The following GTF2E1 variants were observed in gnomAD, a reference collection of about 807,000 sequenced individuals.
GTF2E1 encodes the protein general transcription factor IIE subunit 1, also known as TFIIE alpha subunit.
Under a neutral mutation model 34.9 loss-of-function variants are expected in GTF2E1, and 14 were observed. That is an observed-to-expected ratio of 0.40 (90% CI 0.27 to 0.63). GTF2E1 has a LOEUF of 0.63. Ranked by LOEUF, GTF2E1 falls within the 20% of genes least tolerant of loss-of-function variation. The probability of loss-of-function intolerance (pLI) is 0.39; values close to 1 mark genes in which losing one functional copy is unlikely to be tolerated. For missense variants in GTF2E1, 469 were observed against 557.7 expected, an observed-to-expected ratio of 0.84 and a Z score of 1.60; for synonymous variants, 188 against 192.9, an observed-to-expected ratio of 0.97 and a Z score of 0.21.
chr3:120,770,995 A>G, intron 3 of GTF2E1, 66 bp downstream of exon 3: 1 of 1,278,094 alleles, frequency 7.8e-7, no homozygotes, highest in East Asian at 2.3e-5. Context: ...AACTACCTGT[A>G]CCTTGGAGAA....
intron 2 of GTF2E1, among the ~76,000 whole-genome samples, chr3:120,763,621 T>C (rs1709283207): frequency 6.6e-6 from 1 of 152,236 alleles, no homozygotes; most frequent in Non-Finnish European, 1.5e-5. Context: ...GAAATGTCTT[T>C]TGTTTTTTTC....
intron 4 of GTF2E1, among the ~76,000 whole-genome samples, chr3:120,779,697 A>G (rs887416926): frequency 8.5e-5 from 13 of 152,218 alleles, no homozygotes; most frequent in Non-Finnish European, 1.9e-4. Context: ...AGATAACACT[A>G]TTCTAAGTGC....
chr3:120,764,449 A>G (rs1270448903), intron 2 of GTF2E1, among the ~76,000 whole-genome samples: 3 of 152,192 alleles, frequency 2.0e-5, no homozygotes, highest in Non-Finnish European at 2.9e-5. Context: ...CCACTTGAGC[A>G]CTTAAGCACC....
chr3:120,770,895 C>A lies in GTF2E1; in HGVS notation c.616C>A (p.Pro206Thr), dbSNP rs754744145. ...GAACTTGGCCTATGAAATACTTGAG[C>A]CAGAACCCACAGAAATCCCAGCCCT... The part of the protein sequence containing the change: ...DVNLAYEILE[P>T]EPTEIPALKQ... Residue 206 changes from proline (P) to threonine (T), a missense_variant, in exon 3 of 5, where the codon CCA (proline) becomes ACA (threonine). Physicochemically the swap from Pro to Thr is conservative, Grantham distance 38. Transcript: ENST00000283875. 17 of 1,613,358 alleles carry A rather than the reference C, an allele frequency of 1.1e-5. No individual in the cohort carries two copies. The highest frequency in any genetic ancestry group is 1.4e-5 in the Non-Finnish European group (17 of 1,179,536).
rs529447461 is a variant in GTF2E1, at chr3:120,757,071, C to G, written c.448+6071C>G. Among the ~76,000 whole-genome samples, 12 of 152,084 alleles carry G rather than the reference C, an allele frequency of 7.9e-5. No individual in the cohort carries two copies. The South Asian group carries it at 2.5e-3, about 32-fold the overall frequency. On this transcript the variant is annotated intron_variant, in intron 2 of 4. Transcript: ENST00000283875. ...TTGGATTTTGATACAATATTCTATT[C>G]TTTATTGTCTTTCAGATAGTTGAGA...
intron 2 of GTF2E1, among the ~76,000 whole-genome samples, chr3:120,754,574 A>AT (rs1460091982): frequency 2.0e-5 from 3 of 151,938 alleles, no homozygotes; most frequent in Admixed American, 6.6e-5. Context: ...TCCTGTTCAC[A>AT]TTTTTTCTTA....
chr3:120,746,967 TTGA>T (rs112246264), intron 1 of GTF2E1, among the ~76,000 whole-genome samples: 19 of 152,342 alleles, frequency 1.2e-4, no homozygotes, highest in African/African-American at 4.3e-4. Flanking sequence ...ACTGAGGTAG[TTGA>T]TACTATCCTT....
intron 1 of GTF2E1, chr3:120,749,998 C>T (rs1709148846): frequency 6.6e-6 from 1 of 152,362 alleles, no homozygotes; most frequent in South Asian, 2.1e-4. Context: ...TTCAGTTTTA[C>T]AACAGTTAAT....
At chr3:120,760,294 G>A (rs1709248834) in intron 2 of GTF2E1, among the ~76,000 whole-genome samples, 1 of 152,308 alleles carries the variant, frequency 6.6e-6, no homozygotes, top group South Asian at 2.1e-4. Flanking sequence ...CTGAGACTTT[G>A]CTGAAATTGC....
intron 1 of GTF2E1, among the ~76,000 whole-genome samples, chr3:120,743,890 A>G (rs934857650): frequency 2.0e-5 from 3 of 152,190 alleles, no homozygotes; most frequent in African/African-American, 7.2e-5. Flanking sequence ...CCTGGTGCAC[A>G]GTAGTCCTTA....
At position 120,781,270 on chromosome 3, in the gene GTF2E1, G is replaced by A; in HGVS notation, c.1120G>A (p.Val374Met). The A allele has an allele frequency of 6.2e-7, 1 of 1,614,182 alleles. No homozygotes were observed. Among genetic ancestry groups the A allele is most frequent in the East Asian group, 2.2e-5 (1 of 44,862 alleles). The change falls in exon 5 of 5, where the codon GTG becomes ATG. Residue 374 changes from valine (V) to methionine (M), a missense_variant. Transcript: ENST00000283875. ...DSPPRPAAVA[V>M]HKREEDEEED... ...TCCACCCCGTCCGGCAGCTGTGGCT[G>A]TGCATAAACGAGAAGAGGATGAAGA...
At chr3:120,761,252 G>T (rs1709260332) in intron 2 of GTF2E1, among the ~76,000 whole-genome samples, 1 of 152,106 alleles carries the variant, frequency 6.6e-6, no homozygotes, top group Non-Finnish European at 1.5e-5. Context: ...ATTTCTGTGG[G>T]ATCGGTGGTG....
chr3:120,743,924 C>T (rs912034206), intron 1 of GTF2E1, among the ~76,000 whole-genome samples: 1 of 152,070 alleles, frequency 6.6e-6, no homozygotes, highest in South Asian at 2.1e-4. Flanking sequence ...TTAAAATACA[C>T]GTGGGTCTGG....
chr3:120,776,351 A>G, intron 3 of GTF2E1, 72 bp from the exon 4 acceptor site: 2 of 1,378,848 alleles, frequency 1.5e-6, no homozygotes, highest in South Asian at 2.6e-5. Context: ...TTGCCTCCCT[A>G]GCTGCCCTTC....
chr3:120,766,270 G>T (rs372877909), intron 2 of GTF2E1, among the ~76,000 whole-genome samples: 1 of 152,246 alleles, frequency 6.6e-6, no homozygotes, highest in East Asian at 1.9e-4. Context: ...CAGACACTCA[G>T]TTAAGAACTG....
chr3:120,776,749 C>T, intron 4 of GTF2E1, 85 bp downstream of exon 4: 2 of 1,224,742 alleles, frequency 1.6e-6, no homozygotes, highest in Non-Finnish European at 2.3e-6. Context: ...CTGGGCAATT[C>T]TGGATCTGTT....
chr3:120,777,152 G>A (rs1411349244), intron 4 of GTF2E1, among the ~76,000 whole-genome samples: 1 of 152,088 alleles, frequency 6.6e-6, no homozygotes, highest in Non-Finnish European at 1.5e-5. Context: ...AGTCCAAGAC[G>A]GTTAGCAGAA....
At chr3:120,754,984 G>C (rs931419790) in intron 2 of GTF2E1, among the ~76,000 whole-genome samples, 1 of 152,072 alleles carries the variant, frequency 6.6e-6, no homozygotes, top group African/African-American at 2.4e-5. Flanking sequence ...TTGCTAGGCT[G>C]TTTTAGATTT....
chr3:120,762,522 C>T (rs905429172), intron 2 of GTF2E1, among the ~76,000 whole-genome samples: 4 of 152,208 alleles, frequency 2.6e-5, no homozygotes, highest in Non-Finnish European at 5.9e-5. Context: ...TTTATTAAAA[C>T]AGCTTATGGT....
Sources: gnomAD v4.1 joint callset for allele counts (sites outside exome capture counted in the v4.1 genomes callset) on GRCh38, gnomAD v4.1.1 for gene constraint, MANE v1.5 for transcripts, NCBI Gene and HGNC (gene_info 2026-07-23, HGNC 2026-07-21) for gene names.